The following GKAP1 variants were observed in gnomAD, a reference collection of about 807,000 sequenced individuals.
GKAP1 encodes G kinase-anchoring protein 1.
In GKAP1, 31 loss-of-function variants were observed where a neutral mutation model predicts 56.7. The ratio of observed to expected loss-of-function variants is 0.55; its 90% CI spans 0.41 to 0.74. The LOEUF (loss-of-function observed/expected upper bound fraction) is 0.74. GKAP1 is among the 30% of genes least tolerant of loss of function. The pLI is 0.00. For missense variants in GKAP1, 364 were observed against 402.3 expected (o/e 0.90, Z 0.82); for synonymous variants, 151 against 138.6 (o/e 1.09, Z -0.63).
At chr9:83,792,611 C>T (rs1944179619) in intron 4 of GKAP1, among the ~76,000 whole-genome samples, 1 of 152,098 alleles carries the variant, frequency 6.6e-6, no homozygotes, top group Non-Finnish European at 1.5e-5. Context: ...TAGCACAAGA[C>T]TAACACATAT....
chr9:83,775,348 A>G (rs1943840195), intron 7 of GKAP1, among the ~76,000 whole-genome samples: 1 of 152,136 alleles, frequency 6.6e-6, no homozygotes, highest in African/African-American at 2.4e-5. Flanking sequence ...CCCTAGATAC[A>G]GCCATTTCTC....
chr9:83,770,832 T>G (rs768618510), intron 7 of GKAP1, among the ~76,000 whole-genome samples: 1 of 152,136 alleles, frequency 6.6e-6, no homozygotes, highest in Non-Finnish European at 1.5e-5. Flanking sequence ...AGTGCTGGGA[T>G]TACAGGTATG....
chr9:83,805,934 T>C (rs1408746489), intron 3 of GKAP1, among the ~76,000 whole-genome samples: 3 of 152,114 alleles, frequency 2.0e-5, no homozygotes, highest in East Asian at 3.9e-4. Flanking sequence ...CTATGCAACA[T>C]GGCAAAACTC....
intron 8 of GKAP1, among the ~76,000 whole-genome samples, chr9:83,755,386 T>C (rs1029223464): frequency 2.6e-5 from 4 of 152,148 alleles, no homozygotes; most frequent in South Asian, 2.1e-4. Flanking sequence ...TGGAAGAACA[T>C]ACACCAAAAC....
At chr9:83,769,350 C>T (rs767250585) in intron 7 of GKAP1, among the ~76,000 whole-genome samples, 1 of 152,158 alleles carries the variant, frequency 6.6e-6, no homozygotes, top group Admixed American at 6.6e-5. Flanking sequence ...AATTCCATCA[C>T]CCCAAAAAGA....
chr9:83,762,706 G>C (rs1366769012), intron 8 of GKAP1, among the ~76,000 whole-genome samples: 2 of 152,072 alleles, frequency 1.3e-5, no homozygotes, highest in East Asian at 3.8e-4. Context: ...CACACACACA[G>C]ACCAATGGAA....
intron 7 of GKAP1, among the ~76,000 whole-genome samples, chr9:83,771,624 T>C (rs1943763375): frequency 6.6e-6 from 1 of 152,196 alleles, no homozygotes; most frequent in African/African-American, 2.4e-5. Flanking sequence ...TCATGAGAAG[T>C]TGATGAGCAA....
chr9:83,743,647 G>T (rs1359537657), intron 10 of GKAP1, among the ~76,000 whole-genome samples: 2 of 152,080 alleles, frequency 1.3e-5, no homozygotes, highest in Non-Finnish European at 2.9e-5. Context: ...ATTGTTGGGG[G>T]TGGTGAGCAT....
intron 8 of GKAP1, among the ~76,000 whole-genome samples, chr9:83,762,204 T>C (rs532822189): frequency 5.3e-5 from 8 of 152,212 alleles, no homozygotes; most frequent in East Asian, 3.9e-4. Context: ...TTCAGTAAAG[T>C]TGCAGGATAC....
At chr9:83,815,209 A>G (rs760157891) in intron 2 of GKAP1, among the ~76,000 whole-genome samples, 3 of 152,032 alleles carry the variant, frequency 2.0e-5, no homozygotes, top group Non-Finnish European at 4.4e-5. Context: ...TAAGAGAACT[A>G]GGATGCATTG....
At chr9:83,799,558 T>A (rs745377935) in intron 3 of GKAP1, among the ~76,000 whole-genome samples, 4 of 152,198 alleles carry the variant, frequency 2.6e-5, no homozygotes, top group Non-Finnish European at 5.9e-5. Flanking sequence ...AATGATTAAG[T>A]GAAAAATGTA....
At chr9:83,815,573 AACACACACACAC>A (rs377376142) in intron 2 of GKAP1, among the ~76,000 whole-genome samples, 1 of 149,320 alleles carries the variant, frequency 6.7e-6, no homozygotes, top group South Asian at 2.1e-4. Flanking sequence ...AACTTCAGAA[AACACACACACAC>A]ACACACACAC....
At chr9:83,812,396 C>T (rs1008895671) in intron 2 of GKAP1, among the ~76,000 whole-genome samples, 4 of 149,634 alleles carry the variant, frequency 2.7e-5, no homozygotes, top group African/African-American at 9.8e-5. Flanking sequence ...CACACCAAGG[C>T]TGGAGCAGTG....
intron 3 of GKAP1, among the ~76,000 whole-genome samples, chr9:83,805,028 G>A (rs972247975): frequency 6.6e-6 from 1 of 152,224 alleles, no homozygotes; most frequent in African/African-American, 2.4e-5. Context: ...GAATAGAAGG[G>A]GGGGAAAGGT....
intron 7 of GKAP1, among the ~76,000 whole-genome samples, chr9:83,769,754 G>C (rs1328737225): frequency 6.6e-6 from 1 of 152,152 alleles, no homozygotes; most frequent in African/African-American, 2.4e-5. Context: ...AGAACTGCTG[G>C]TGACTCTATG....
chr9:83,740,107 T>C (rs1943181938), intron 12 of GKAP1, among the ~76,000 whole-genome samples: 3 of 152,204 alleles, frequency 2.0e-5, no homozygotes. Context: ...TCAGCAAATT[T>C]AGTAATTCAG....
At chr9:83,754,974 G>C (rs1943450098) in intron 8 of GKAP1, among the ~76,000 whole-genome samples, 1 of 152,218 alleles carries the variant, frequency 6.6e-6, no homozygotes, top group Non-Finnish European at 1.5e-5. Flanking sequence ...AGTATAAATA[G>C]AGAGAAGTAT....
intron 6 of GKAP1, among the ~76,000 whole-genome samples, chr9:83,781,844 T>C (rs1179683067): frequency 9.4e-6 from 1 of 106,718 alleles, no homozygotes; most frequent in Non-Finnish European, 2.1e-5. Context: ...AATGTATTTC[T>C]TCTTTTTTTT....
At chr9:83,755,313 T>C (rs1019511033) in intron 8 of GKAP1, among the ~76,000 whole-genome samples, 4 of 152,124 alleles carry the variant, frequency 2.6e-5, no homozygotes, top group African/African-American at 9.7e-5. Context: ...AAAATGGTGA[T>C]ATAGAGCTAT....
Sources: allele counts gnomAD v4.1 joint callset (sites outside exome capture counted in the v4.1 genomes callset), GRCh38; gene constraint gnomAD v4.1.1; transcripts MANE v1.5; gene names NCBI Gene and HGNC (gene_info 2026-07-23, HGNC 2026-07-21).